CRB1: variants seen among roughly 807,000 people sequenced by gnomAD.
CRB1 encodes protein crumbs homolog 1.
CRB1 carries 83 observed loss-of-function variants against 120.0 expected under a neutral mutation model. The observed-to-expected ratio is 0.69, with a 90% CI of 0.58 to 0.83. CRB1 has a LOEUF of 0.83. Among genes scored for constraint, CRB1 ranks in the 40% least tolerant of loss-of-function variants. The probability of loss-of-function intolerance (pLI) is 0.00; values close to 1 mark genes in which losing one functional copy is unlikely to be tolerated. For synonymous variants in CRB1, 625 were observed against 612.5 expected, an observed-to-expected ratio of 1.02 and a Z score of -0.30; for missense variants, 1,699 against 1,687.6, an observed-to-expected ratio of 1.01 and a Z score of -0.12.
chr1:197,217,399 G>A, the CRB1 span, among the ~76,000 whole-genome samples: 3 of 152,216 alleles, frequency 2.0e-5, no homozygotes, highest in African/African-American at 7.2e-5. Flanking sequence ...ATTCATAGCA[G>A]CCTCAAATTG....
the CRB1 span, among the ~76,000 whole-genome samples, chr1:197,230,687 G>T: frequency 6.6e-6 from 1 of 152,102 alleles, no homozygotes; most frequent in Non-Finnish European, 1.5e-5. Context: ...GGACTAGAAA[G>T]ATCCTTTAAA....
intron 4 of CRB1, among the ~76,000 whole-genome samples, chr1:197,352,157 C>G (rs1286025683): frequency 6.6e-6 from 1 of 152,176 alleles, no homozygotes; most frequent in Non-Finnish European, 1.5e-5. Flanking sequence ...GGATGTGACT[C>G]AGTATCATGT....
At chr1:197,378,159 A>G (rs1489979867) in intron 5 of CRB1, among the ~76,000 whole-genome samples, 2 of 152,216 alleles carry the variant, frequency 1.3e-5, no homozygotes, top group East Asian at 3.8e-4. Flanking sequence ...AATGGTGGCT[A>G]GAATAAAGTT....
At chr1:197,357,175 A>G (rs1387457868) in intron 5 of CRB1, 162 bp downstream of exon 5, 11 of 726,702 alleles carry the variant, frequency 1.5e-5, no homozygotes, top group Non-Finnish European at 2.2e-5. Context: ...CTTGTTTCAC[A>G]TTTCAGAATT....
intron 1 of CRB1, among the ~76,000 whole-genome samples, chr1:197,319,874 G>A (rs1658090834): frequency 6.6e-6 from 1 of 152,088 alleles, no homozygotes; most frequent in African/African-American, 2.4e-5. Flanking sequence ...CAACATGATA[G>A]GGTGCTTTAG....
chr1:197,438,839 AC>A, intron 10 of CRB1, 164 bp downstream of exon 10: 1 of 766,646 alleles, frequency 1.3e-6, no homozygotes. Context: ...AAGAAAAACT[AC>A]AGTTTAGGTC....
chr1:197,325,374 A>G (rs927258034), intron 1 of CRB1, among the ~76,000 whole-genome samples: 1 of 152,188 alleles, frequency 6.6e-6, no homozygotes, highest in Non-Finnish European at 1.5e-5. Context: ...ATTACATTTC[A>G]TTAGCAAAAC....
the CRB1 span, among the ~76,000 whole-genome samples, chr1:197,250,804 C>T: frequency 6.6e-6 from 1 of 151,984 alleles, no homozygotes; most frequent in Non-Finnish European, 1.5e-5. Flanking sequence ...AGGAGCTGCA[C>T]CTCAGTCAGA....
chr1:197,273,789 T>C (rs1655037369), intron 1 of CRB1, among the ~76,000 whole-genome samples: 1 of 152,054 alleles, frequency 6.6e-6, no homozygotes, highest in Non-Finnish European at 1.5e-5. Context: ...AAAAAAGGAT[T>C]TTCTTCCTTT....
chr1:197,361,556 T>C (rs1464329153), intron 5 of CRB1, among the ~76,000 whole-genome samples: 9 of 152,086 alleles, frequency 5.9e-5, no homozygotes, highest in Non-Finnish European at 1.2e-4. Flanking sequence ...TTAGATCATG[T>C]TGGATGATTG....
intron 5 of CRB1, among the ~76,000 whole-genome samples, chr1:197,361,645 C>T (rs1290926170): frequency 6.6e-6 from 1 of 151,898 alleles, no homozygotes; most frequent in Admixed American, 6.5e-5. Context: ...TGCCTTATTA[C>T]TCTTTTAATG....
chr1:197,436,173 C>T (rs1665151910), intron 9 of CRB1, among the ~76,000 whole-genome samples: 1 of 152,098 alleles, frequency 6.6e-6, no homozygotes, highest in Admixed American at 6.6e-5. Flanking sequence ...CAAACCTTAA[C>T]AATAACATAG....
At chr1:197,389,920 T>C (rs1662410687) in intron 5 of CRB1, among the ~76,000 whole-genome samples, 1 of 152,086 alleles carries the variant, frequency 6.6e-6, no homozygotes, top group African/African-American at 2.4e-5. Flanking sequence ...CCCTGCTGCG[T>C]GCTGAATGAA....
the CRB1 span, among the ~76,000 whole-genome samples, chr1:197,249,119 G>C: frequency 2.0e-5 from 3 of 151,600 alleles, no homozygotes; most frequent in African/African-American, 7.3e-5. Flanking sequence ...TGTAATTCAA[G>C]TGTTGCATAC....
rs1664284372 is a variant in CRB1, at chr1:197,421,105, A to G, written c.1277A>G (p.Asp426Gly). 6.2e-7 allele frequency: 1 copy of G among 1,614,172 alleles called. No individual in the cohort carries two copies. Among genetic ancestry groups the G allele is most frequent in the Non-Finnish European group, 8.5e-7 (1 of 1,180,032 alleles). The change falls in exon 6 of 12, where the codon GAT becomes GGT. Residue 426 changes from aspartate to glycine, a missense_variant. By Grantham distance (94) the Asp-to-Gly change is moderately conservative. Transcript: ENST00000367400. ...AATTATACTTGCCATTGCCCATTTGATAACCTTTCTAGAACTTTTTATGGA... is the reference window on the plus strand; with the variant it reads ...AATTATACTTGCCATTGCCCATTTGGTAACCTTTCTAGAACTTTTTATGGA... ...PGNYTCHCPFDNLSRTFYGGR... is the reference protein window; with the variant it reads ...PGNYTCHCPFGNLSRTFYGGR...
the CRB1 span, among the ~76,000 whole-genome samples, chr1:197,231,788 A>G: frequency 2.6e-5 from 4 of 152,196 alleles, no homozygotes; most frequent in East Asian, 7.7e-4. Flanking sequence ...TGAGAGGAGT[A>G]CCAATATCAG....
chr1:197,469,711 AC>A (rs1317459427), intron 11 of CRB1, among the ~76,000 whole-genome samples: 1 of 152,220 alleles, frequency 6.6e-6, no homozygotes, highest in Non-Finnish European at 1.5e-5. Flanking sequence ...CCAGTAGTTC[AC>A]CTAACGGAAA....
the CRB1 span, among the ~76,000 whole-genome samples, chr1:197,253,028 A>G: frequency 6.6e-6 from 1 of 152,052 alleles, no homozygotes; most frequent in African/African-American, 2.4e-5. Flanking sequence ...CTATCTGGAC[A>G]TCTGTTAGTC....
rs562341248 is a variant in CRB1 at position 197,310,918 on chromosome 1, C to G, written c.71-17504C>G. ...CATCCACAGGGTAGAGAAATATATT[C>G]TCCCATGGAGATGAAGACACTAATG... On this transcript the variant is annotated intron_variant, in intron 1 of 11. Transcript: ENST00000367400. Among the ~76,000 whole-genome samples, 5 of 152,300 alleles carry G rather than the reference C, an allele frequency of 3.3e-5. No homozygotes were observed. The South Asian group carries it at 1.0e-3, about 32-fold the overall frequency.
Sources: allele counts gnomAD v4.1 joint callset (sites outside exome capture counted in the v4.1 genomes callset), GRCh38; gene constraint gnomAD v4.1.1; transcripts MANE v1.5; gene names NCBI Gene and HGNC (gene_info 2026-07-23, HGNC 2026-07-21).